The following VDAC1 variants were observed in gnomAD, a reference collection of about 807,000 sequenced individuals.
VDAC1 encodes voltage dependent anion channel 1, also known as non-selective voltage-gated ion channel VDAC1.
Under a neutral mutation model 34.7 loss-of-function variants are expected in VDAC1, and 10 were observed. The observed-to-expected ratio is 0.29, with a 90% CI of 0.18 to 0.49. The LOEUF (loss-of-function observed/expected upper bound fraction) is 0.49. Among genes scored for constraint, VDAC1 ranks in the 20% least tolerant of loss-of-function variants. The probability of loss-of-function intolerance (pLI) is 0.99; values close to 1 mark genes in which losing one functional copy is unlikely to be tolerated. For missense variants in VDAC1, 230 were observed against 347.9 expected (o/e 0.66, Z 2.69); for synonymous variants, 130 against 136.0 (o/e 0.96, Z 0.30).
At chr5:133,979,801 C>T (rs375258879) in intron 6 of VDAC1, among the ~76,000 whole-genome samples, 7 of 152,154 alleles carry the variant, frequency 4.6e-5, no homozygotes, top group African/African-American at 1.4e-4. Context: ...ACCATGACGA[C>T]AGTCAGAATA....
the VDAC1 span, among the ~76,000 whole-genome samples, chr5:134,033,674 G>GA: frequency 0.044 from 5,763 of 132,428 alleles, 163 homozygotes; most frequent in East Asian, 0.12. Flanking sequence ...GCCCAAAATG[G>GA]AAAAAAAAAA....
At chr5:134,084,836 G>C in the VDAC1 span, among the ~76,000 whole-genome samples, 1 of 152,234 alleles carries the variant, frequency 6.6e-6, no homozygotes, top group Admixed American at 6.5e-5. Flanking sequence ...GCCTGGCAGA[G>C]ACCCTAAAGA....
chr5:133,974,898 T>C (rs1468927118), intron 7 of VDAC1, among the ~76,000 whole-genome samples: 1 of 150,796 alleles, frequency 6.6e-6, no homozygotes, highest in Non-Finnish European at 1.5e-5. Context: ...GGTTGCGCAG[T>C]GAGCTGAGAT....
At position 133,980,903 on chromosome 5, in the gene VDAC1, C is replaced by G. The variant is rs775352369; in HGVS notation, c.377G>C (p.Gly126Ala). ...TGYKREHINLGCDMDFDIAGP... is the reference protein window; with the variant it reads ...TGYKREHINLACDMDFDIAGP... ...AGCAATGTCGAAATCCATGTCGCAG[C>G]CCAGGTTAATGTGCTCCCGCTTGTA... The change falls in exon 6 of 9, where the codon GGC becomes GCC. Residue 126 changes from glycine (G) to alanine (A), a missense_variant. By Grantham distance (60) the Gly-to-Ala change is moderately conservative. Coordinates refer to ENST00000265333, the MANE Select transcript of VDAC1 (RefSeq NM_003374.3). 1.2e-6 allele frequency: 2 copies of G among 1,614,026 alleles called. No homozygotes were observed. The highest frequency in any genetic ancestry group is 3.3e-5 in the Admixed American group (2 of 60,008).
At chr5:134,049,411 A>G in the VDAC1 span, among the ~76,000 whole-genome samples, 3 of 151,956 alleles carry the variant, frequency 2.0e-5, no homozygotes, top group Non-Finnish European at 4.4e-5. Flanking sequence ...TTCCTCAATC[A>G]CTGCAAATTT....
rs1190309520 is a variant in VDAC1, at chr5:133,980,777, T to C, written c.503A>G (p.Asn168Ser). The change falls in exon 6 of 9, where the codon AAC becomes AGC. Residue 168 changes from asparagine to serine, a missense_variant. Coordinates refer to ENST00000265333, the MANE Select transcript of VDAC1 (RefSeq NM_003374.3). Reference protein sequence around the residue: ...ETAKSRVTQSNFAVGYKTDEF... With the variant: ...ETAKSRVTQSSFAVGYKTDEF... Reference sequence around the variant, plus strand: ...ATCAGTCTTGTAGCCAACTGCAAAGTTGCTCTGGGTCACTCGGGATTTTGC... The same window carrying C: ...ATCAGTCTTGTAGCCAACTGCAAAGCTGCTCTGGGTCACTCGGGATTTTGC... 9.5e-6 allele frequency: 13 copies of C among 1,362,566 alleles called. No homozygotes were observed. The Admixed American group carries it at 2.2e-4, about 24-fold the overall frequency. 84.4% of individuals were successfully genotyped at this position (1,362,566 alleles called of 1,614,324 possible). A position where few individuals can be genotyped will look rare whatever the true frequency, so the allele number is the denominator to read the frequency against.
At chr5:134,049,670 C>T in the VDAC1 span, among the ~76,000 whole-genome samples, 28 of 152,292 alleles carry the variant, frequency 1.8e-4, no homozygotes. Flanking sequence ...ACCTCCATCT[C>T]TCAGGTTCAC....
chr5:134,071,920 T>G, the VDAC1 span, among the ~76,000 whole-genome samples: 2 of 152,150 alleles, frequency 1.3e-5, no homozygotes, highest in Non-Finnish European at 2.9e-5. The surrounding 1 kb of genome is among the most constrained non-coding windows in gnomAD (Gnocchi z 4.1). Context: ...CATGCTCCTC[T>G]GTGGTGGGCC....
the VDAC1 span, among the ~76,000 whole-genome samples, chr5:134,094,654 G>A: frequency 1.2e-4 from 18 of 144,026 alleles, no homozygotes; most frequent in African/African-American, 2.9e-4. Context: ...CTGAGGTCGC[G>A]CCACTGCGCT....
the VDAC1 span, among the ~76,000 whole-genome samples, chr5:134,077,237 G>C: frequency 3.6e-5 from 5 of 140,348 alleles, no homozygotes; most frequent in African/African-American, 1.1e-4. Context: ...AGATTGCATC[G>C]CTGCACTCCA....
At chr5:134,088,024 G>A in the VDAC1 span, among the ~76,000 whole-genome samples, 11 of 135,774 alleles carry the variant, frequency 8.1e-5, no homozygotes, top group Middle Eastern at 5.1e-3. Context: ...GCGTTGTAGC[G>A]CGTGCCTGTA....
At chr5:134,045,147 G>C in the VDAC1 span, among the ~76,000 whole-genome samples, 1 of 152,216 alleles carries the variant, frequency 6.6e-6, no homozygotes, top group Non-Finnish European at 1.5e-5. Flanking sequence ...AGGAAGAACA[G>C]CCAGAGAACT....
rs1270254556 is a variant in VDAC1 at position 133,972,169 on chromosome 5, C to CA, written c.*601_*602insT. ...GCTATTTCATACTCTGGTGCAAGGGCCAAAAAAAAACACAACACAAGAAGG... is the reference window on the plus strand; with the variant it reads ...GCTATTTCATACTCTGGTGCAAGGGCACAAAAAAAAACACAACACAAGAAGG... On this transcript the variant is annotated 3_prime_UTR_variant, in exon 9 of 9. Transcript: ENST00000265333. 4.1e-4 allele frequency: 63 copies of CA among 152,420 alleles called. No homozygotes were observed. The highest frequency in any genetic ancestry group is 3.3e-3 in the Middle Eastern group (1 of 300). 9.4% of individuals were successfully genotyped at this position (152,420 alleles called of 1,614,324 possible).
intron 5 of VDAC1, among the ~76,000 whole-genome samples, chr5:133,984,766 T>C (rs911876944): frequency 6.6e-6 from 1 of 151,940 alleles, no homozygotes; most frequent in Non-Finnish European, 1.5e-5. Context: ...CAAAATTCCA[T>C]CTCTACTAAA....
the VDAC1 span, among the ~76,000 whole-genome samples, chr5:134,084,586 T>C: frequency 3.3e-5 from 5 of 152,248 alleles, no homozygotes; most frequent in Admixed American, 3.3e-4. Context: ...AGGTCCTGGC[T>C]ACCTCCAGCC....
Position 133,992,879 on chromosome 5 carries a change from C to G in VDAC1, c.67+67G>C, listed in dbSNP as rs75306215. 7.0e-4 allele frequency: 1,044 copies of G among 1,498,084 alleles called. 6 individuals carry two copies. The African/African-American group carries it at 0.013, about 19-fold the overall frequency. 92.8% of individuals were successfully genotyped at this position (1,498,084 alleles called of 1,614,324 possible). The stretch of plus-strand genomic sequence containing the variant: ...CTACCCAGGTCTCCTAAACAGTTAT[C>G]GGTAAAGTCTCAAACATGCCAACTC... On this transcript the variant is annotated intron_variant, in intron 2 of 8. Coordinates refer to ENST00000265333, the MANE Select transcript of VDAC1 (RefSeq NM_003374.3).
the VDAC1 span, among the ~76,000 whole-genome samples, chr5:134,104,366 C>T: frequency 5.3e-5 from 8 of 152,198 alleles, no homozygotes; most frequent in Non-Finnish European, 1.0e-4. Context: ...CATCCCTGAG[C>T]GGGTGAGAAT....
chr5:133,972,592 T>C lies in VDAC1; in HGVS notation c.*179A>G, dbSNP rs1580703666. ...CCACTGAAAGGACCTTTTTTGGAAA[T>C]AGGTTTCTTCTGTACCTCTGGAAGG... On this transcript the variant is annotated 3_prime_UTR_variant, in exon 9 of 9. Transcript: ENST00000265333. The C allele has an allele frequency of 1.7e-5, 9 of 525,328 alleles. No individual in the cohort carries two copies. The highest frequency in any genetic ancestry group is 2.3e-5 in the Non-Finnish European group (7 of 303,156). The allele number at this position is 525,328 out of a possible 1,614,324, so 32.5% of individuals were successfully genotyped here.
At chr5:134,079,166 T>A in the VDAC1 span, among the ~76,000 whole-genome samples, 2 of 150,844 alleles carry the variant, frequency 1.3e-5, no homozygotes, top group Non-Finnish European at 3.0e-5. Flanking sequence ...TTTTGTAGAG[T>A]CCAGGTCTCA....
Sources: gnomAD v4.1 joint callset for allele counts (sites outside exome capture counted in the v4.1 genomes callset) on GRCh38, gnomAD v4.1.1 for gene constraint, Gnocchi (gnomAD v3.1) non-coding constraint, MANE v1.5 for transcripts, NCBI Gene and HGNC (gene_info 2026-07-23, HGNC 2026-07-21) for gene names.